Variants in WDR72 observed in about 807,000 individuals in gnomAD.
WDR72 encodes the protein WD repeat domain 72.
WDR72 carries 120 observed loss-of-function variants against 124.2 expected under a neutral mutation model. The ratio of observed to expected loss-of-function variants is 0.97; its 90% confidence interval spans 0.83 to 1.12. WDR72 has a LOEUF of 1.12. Ranked by LOEUF, WDR72 falls within the 50% of genes most tolerant of loss-of-function variation. The probability of loss-of-function intolerance (pLI) is 0.00; values close to 1 mark genes in which losing one functional copy is unlikely to be tolerated. For synonymous variants in WDR72, 452 were observed against 441.7 expected (o/e 1.02, Z -0.29); for missense variants, 1,387 against 1,278.8 (o/e 1.08, Z -1.29).
At chr15:53,654,464 AT>A (rs1386961052) in intron 14 of WDR72, among the ~76,000 whole-genome samples, 1 of 152,242 alleles carries the variant, frequency 6.6e-6, no homozygotes, top group Non-Finnish European at 1.5e-5. Context: ...ATAAAATATA[AT>A]AACTCAATGT....
chr15:53,572,224 T>A (rs970186992), intron 18 of WDR72, among the ~76,000 whole-genome samples: 1 of 152,186 alleles, frequency 6.6e-6, no homozygotes. Context: ...TTTGATGTAA[T>A]CCCACTTGTT....
Position 53,605,084 on chromosome 15 carries a change from A to C in WDR72, c.2952+4429T>G, listed in dbSNP as rs145820733. On this transcript the variant is annotated intron_variant, in intron 17 of 19. Coordinates refer to ENST00000360509, the MANE Select transcript of WDR72 (RefSeq NM_182758.4). ...TTCACAATAACAAAGACATGGAATA[A>C]ACCTAAATGTCAATCAATGGTAGAC... 9.4e-3 allele frequency among the ~76,000 whole-genome samples: 1,439 copies of C among 152,348 alleles called. 18 individuals are homozygous for C. The highest frequency in any genetic ancestry group is 0.014 in the South Asian group (66 of 4,826).
intron 18 of WDR72, among the ~76,000 whole-genome samples, chr15:53,534,530 A>C (rs1354001251): frequency 6.6e-6 from 1 of 152,114 alleles, no homozygotes; most frequent in Non-Finnish European, 1.5e-5. Context: ...GCATAAAACA[A>C]ATTTTGTTCT....
intron 2 of WDR72, among the ~76,000 whole-genome samples, chr15:53,723,558 G>A (rs2675338): frequency 2.0e-5 from 3 of 152,176 alleles, no homozygotes; most frequent in African/African-American, 7.2e-5. Context: ...TCCATTAACG[G>A]ATGCAGAGAT....
intron 14 of WDR72, among the ~76,000 whole-genome samples, chr15:53,649,893 CA>C (rs2015171785): frequency 6.6e-6 from 1 of 151,950 alleles, no homozygotes; most frequent in African/African-American, 2.4e-5. Flanking sequence ...GGAGGTTCCT[CA>C]AAAAATTAAA....
chr15:53,600,572 T>C (rs1451143895), intron 17 of WDR72, among the ~76,000 whole-genome samples: 2 of 152,156 alleles, frequency 1.3e-5, no homozygotes, highest in Non-Finnish European at 2.9e-5. Context: ...TTAGGCAAGC[T>C]AAAAATTTTA....
At chr15:53,712,964 C>CGGAA in intron 6 of WDR72, 73 bp from the exon 7 acceptor site, 1 of 1,537,914 alleles carries the variant, frequency 6.5e-7, no homozygotes, top group Admixed American at 1.7e-5. Context: ...GACCTGCTTC[C>CGGAA]CGTACATCTC....
intron 3 of WDR72, among the ~76,000 whole-genome samples, chr15:53,720,090 T>C (rs1182633838): frequency 6.6e-6 from 1 of 152,200 alleles, no homozygotes; most frequent in Admixed American, 6.5e-5. Flanking sequence ...TATTTTGTGC[T>C]ATTTGTCCCA....
At chr15:53,644,091 G>A (rs117443561) in intron 14 of WDR72, among the ~76,000 whole-genome samples, 4,664 of 152,172 alleles carry the variant, frequency 0.031, 90 homozygotes, top group Non-Finnish European at 0.037. Context: ...GATGAAAACA[G>A]TGTATCCATC....
intron 14 of WDR72, among the ~76,000 whole-genome samples, chr15:53,664,129 C>T (rs1379589080): frequency 6.6e-6 from 1 of 152,062 alleles, no homozygotes; most frequent in Admixed American, 6.6e-5. Flanking sequence ...GGAGATGGTA[C>T]TCTGCTGGGC....
chr15:53,761,305 A>G (rs1365816742), upstream of WDR72, among the ~76,000 whole-genome samples: 3 of 152,230 alleles, frequency 2.0e-5, no homozygotes, highest in Non-Finnish European at 4.4e-5. Context: ...CATATCCAAA[A>G]GACAGGCAAT....
chr15:53,524,609 T>C (rs1188818443), intron 18 of WDR72, among the ~76,000 whole-genome samples: 1 of 152,072 alleles, frequency 6.6e-6, no homozygotes, highest in Non-Finnish European at 1.5e-5. Flanking sequence ...GGACAAACTT[T>C]AGAGAAGACT....
At chr15:53,546,623 C>A (rs568168716) in intron 18 of WDR72, among the ~76,000 whole-genome samples, 1 of 151,920 alleles carries the variant, frequency 6.6e-6, no homozygotes, top group Non-Finnish European at 1.5e-5. Context: ...ATGTAACTAA[C>A]CTGCACAATG....
intron 3 of WDR72, among the ~76,000 whole-genome samples, chr15:53,720,037 T>C (rs559696057): frequency 4.6e-5 from 7 of 152,300 alleles, no homozygotes; most frequent in Non-Finnish European, 1.0e-4. Context: ...TATGATAATA[T>C]GTAATTGGAA....
chr15:53,706,077 A>G lies in WDR72; in HGVS notation c.955-3T>C. On this transcript the variant is annotated splice_region_variant and splice_polypyrimidine_tract_variant and intron_variant, in intron 9 of 19. Transcript: ENST00000360509. Reference sequence around the variant, plus strand: ...ATAACAAAGGGACGGCTCTGTTCCTAAACAAAAAGTGAGCTTTTATGTAGG... The same window carrying G: ...ATAACAAAGGGACGGCTCTGTTCCTGAACAAAAAGTGAGCTTTTATGTAGG... The G allele has an allele frequency of 6.2e-7, 1 of 1,613,874 alleles. No individual in the cohort carries two copies. Among genetic ancestry groups the G allele is most frequent in the Non-Finnish European group, 8.5e-7 (1 of 1,179,944 alleles).
At chr15:53,761,836 A>AAAAT (rs2019068776), upstream of WDR72, among the ~76,000 whole-genome samples, 2 of 126,738 alleles carry the variant, frequency 1.6e-5, no homozygotes, top group Non-Finnish European at 3.4e-5. Context: ...AAAAACAAAA[A>AAAAT]CCCAAAGCAG....
At chr15:53,687,760 A>C (rs2016693127) in intron 13 of WDR72, among the ~76,000 whole-genome samples, 1 of 148,428 alleles carries the variant, frequency 6.7e-6, no homozygotes, top group South Asian at 2.1e-4. Context: ...ACACAACCAA[A>C]AAAGAGAATT....
chr15:53,638,985 A>G (rs1002237349), intron 14 of WDR72, among the ~76,000 whole-genome samples: 2 of 152,020 alleles, frequency 1.3e-5, no homozygotes, highest in African/African-American at 4.8e-5. Flanking sequence ...GCATCTCAAG[A>G]AAAAAAGAAA....
chr15:53,650,193 A>T (rs2015182600), intron 14 of WDR72, among the ~76,000 whole-genome samples: 1 of 152,204 alleles, frequency 6.6e-6, no homozygotes, highest in South Asian at 2.1e-4. Context: ...TCACAGAAAG[A>T]CAAATATTGC....
Sources: gnomAD v4.1 joint callset for allele counts (sites outside exome capture counted in the v4.1 genomes callset) on GRCh38, gnomAD v4.1.1 for gene constraint, MANE v1.5 for transcripts, NCBI Gene and HGNC (gene_info 2026-07-23, HGNC 2026-07-21) for gene names.